The following WASF3 variants were observed in gnomAD, a reference collection of about 807,000 sequenced individuals.
WASF3 encodes the protein actin-binding protein WASF3.
In WASF3, 11 loss-of-function variants were observed where a neutral mutation model predicts 46.6. The ratio of observed to expected loss-of-function variants is 0.24; its 90% confidence interval spans 0.15 to 0.39. The LOEUF is 0.39. Among genes scored for constraint, WASF3 ranks in the 10% least tolerant of loss-of-function variants. The pLI is 1.00. For synonymous variants in WASF3, 242 were observed against 259.7 expected, an observed-to-expected ratio of 0.93 and a Z score of 0.65; for missense variants, 576 against 669.8, an observed-to-expected ratio of 0.86 and a Z score of 1.55.
At chr13:26,557,466 G>A (rs1475144522), upstream of WASF3, among the ~76,000 whole-genome samples, 1 of 152,028 alleles carries the variant, frequency 6.6e-6, no homozygotes, top group African/African-American at 2.4e-5. Flanking sequence ...CTCATCCCGA[G>A]CTGGGGGCGG....
At chr13:26,560,507 A>T (rs890997306) in intron 1 of WASF3, among the ~76,000 whole-genome samples, 2 of 151,978 alleles carry the variant, frequency 1.3e-5, no homozygotes, top group South Asian at 2.1e-4. Context: ...CCTGTATGTT[A>T]AAAAAACCAT....
the WASF3 span, among the ~76,000 whole-genome samples, chr13:26,545,382 T>C: frequency 6.6e-6 from 1 of 152,236 alleles, no homozygotes; most frequent in Non-Finnish European, 1.5e-5. Context: ...CCTTGTAATG[T>C]TATTTCTTTT....
intron 1 of WASF3, among the ~76,000 whole-genome samples, chr13:26,572,158 C>G (rs770438170): frequency 4.6e-5 from 7 of 151,654 alleles, no homozygotes; most frequent in Non-Finnish European, 7.4e-5. Flanking sequence ...TCTTTTTTTC[C>G]ATTGTTTGTG....
chr13:26,676,112 G>C (rs1438157723), intron 6 of WASF3, among the ~76,000 whole-genome samples: 10 of 152,208 alleles, frequency 6.6e-5, no homozygotes. Context: ...ATTGGGAACA[G>C]AATGTTTTGA....
intron 1 of WASF3, among the ~76,000 whole-genome samples, chr13:26,608,787 T>TA (rs947447627): frequency 6.6e-6 from 1 of 152,192 alleles, no homozygotes; most frequent in Admixed American, 6.5e-5. Flanking sequence ...TGCTTTTTGC[T>TA]AAAAAATTCA....
chr13:26,549,343 T>C, the WASF3 span, among the ~76,000 whole-genome samples: 1 of 152,208 alleles, frequency 6.6e-6, no homozygotes, highest in Non-Finnish European at 1.5e-5. Context: ...TGGGTTTGCC[T>C]TTCCATGCTG....
At chr13:26,675,945 C>T (rs1225546838) in intron 6 of WASF3, among the ~76,000 whole-genome samples, 1 of 152,148 alleles carries the variant, frequency 6.6e-6, no homozygotes, top group Admixed American at 6.5e-5. Context: ...TTTCAAGAAG[C>T]ACCTGTTTAA....
At chr13:26,584,081 T>C (rs1358898921) in intron 1 of WASF3, among the ~76,000 whole-genome samples, 4 of 152,186 alleles carry the variant, frequency 2.6e-5, no homozygotes, top group African/African-American at 7.2e-5. Flanking sequence ...GCAATTGGTT[T>C]TGCAGGATTA....
rs1216652435 is a variant in WASF3, at chr13:26,688,453, A to C, written c.*2608A>C. The C allele has an allele frequency of 6.6e-6, 1 of 152,202 alleles. No homozygotes were observed. The highest frequency in any genetic ancestry group is 2.4e-5 in the African/African-American group (1 of 41,450). 9.4% of individuals were successfully genotyped at this position (152,202 alleles called of 1,614,324 possible). ...TTTCTCTCATAGCGTAGACCTAGGGAAGGGATGGGAAGATTGCCCAGTCCC... is the reference window on the plus strand; with the variant it reads ...TTTCTCTCATAGCGTAGACCTAGGGCAGGGATGGGAAGATTGCCCAGTCCC... On this transcript the variant is annotated 3_prime_UTR_variant, in exon 10 of 10. Transcript: ENST00000335327.
At chr13:26,619,378 A>T (rs1881234602) in intron 2 of WASF3, 1 of 152,184 alleles carries the variant, frequency 6.6e-6, no homozygotes, top group Admixed American at 6.5e-5. Flanking sequence ...CATTTCTGTA[A>T]GTCTCCTTGG....
At chr13:26,594,627 TC>T (rs1441033172) in intron 1 of WASF3, among the ~76,000 whole-genome samples, 4 of 152,180 alleles carry the variant, frequency 2.6e-5, no homozygotes, top group Non-Finnish European at 5.9e-5. Flanking sequence ...CAAAGTTACC[TC>T]CCTGGAACGC....
Position 26,557,689 on chromosome 13 carries a change from G to C in WASF3, c.-239G>C, listed in dbSNP as rs143347140. 27 of 165,128 alleles carry C rather than the reference G, an allele frequency of 1.6e-4. No homozygotes were observed. The highest frequency in any genetic ancestry group is 3.4e-4 in the African/African-American group (14 of 41,562). 10.2% of individuals were successfully genotyped at this position (165,128 alleles called of 1,614,324 possible). On this transcript the variant is annotated 5_prime_UTR_variant, in exon 1 of 10. Transcript: ENST00000335327. ...AGGGGGCGTGGCCGCGGCCGTGGAC[G>C]GGCCGGAGGCGGCGTCGCTCGCGCC... is the stretch of plus-strand genomic sequence containing the variant.
intron 1 of WASF3, among the ~76,000 whole-genome samples, chr13:26,582,989 C>T (rs1469172687): frequency 6.6e-6 from 1 of 152,192 alleles, no homozygotes; most frequent in East Asian, 1.9e-4. Flanking sequence ...AAGATAATGA[C>T]AGGCACCTCT....
At chr13:26,592,568 GTC>G (rs144799155) in intron 1 of WASF3, among the ~76,000 whole-genome samples, 7,494 of 152,120 alleles carry the variant, frequency 0.049, 636 homozygotes, top group African/African-American at 0.17. Context: ...TGAGTTTGGT[GTC>G]TCTTCTTCTA....
At chr13:26,600,316 A>T (rs1880606547) in intron 1 of WASF3, among the ~76,000 whole-genome samples, 1 of 152,142 alleles carries the variant, frequency 6.6e-6, no homozygotes, top group African/African-American at 2.4e-5. Flanking sequence ...CAACTCTATT[A>T]TGTACTGTGT....
intron 1 of WASF3, among the ~76,000 whole-genome samples, chr13:26,581,280 T>C (rs1484524591): frequency 6.6e-6 from 1 of 152,132 alleles, no homozygotes; most frequent in African/African-American, 2.4e-5. Flanking sequence ...TGTGATAAAA[T>C]GAGGAAACCA....
chr13:26,562,098 A>G (rs992778242), intron 1 of WASF3, among the ~76,000 whole-genome samples: 1 of 152,226 alleles, frequency 6.6e-6, no homozygotes, highest in Non-Finnish European at 1.5e-5. Flanking sequence ...GGTGCGGTGA[A>G]CAGAGAAAGT....
At chr13:26,614,283 C>G (rs1881068062) in intron 2 of WASF3, among the ~76,000 whole-genome samples, 1 of 152,150 alleles carries the variant, frequency 6.6e-6, no homozygotes, top group Non-Finnish European at 1.5e-5. Flanking sequence ...TCCATACTTT[C>G]ACTTTACAGG....
At chr13:26,618,957 C>G (rs1472758484) in intron 2 of WASF3, 2 of 152,160 alleles carry the variant, frequency 1.3e-5, no homozygotes, top group African/African-American at 2.4e-5. Context: ...TTCCTTTAAT[C>G]TCATCCCGTT....
Sources: gnomAD v4.1 joint callset for allele counts (sites outside exome capture counted in the v4.1 genomes callset) on GRCh38, gnomAD v4.1.1 for gene constraint, MANE v1.5 for transcripts, NCBI Gene and HGNC (gene_info 2026-07-23, HGNC 2026-07-21) for gene names.